Variants in CPNE4 observed in about 807,000 individuals in gnomAD.
The protein encoded by CPNE4 is copine 4, also known as copine-4.
A neutral mutation model predicts 67.9 loss-of-function variants in CPNE4; 25 were observed. The ratio of observed to expected loss-of-function variants is 0.37; its 90% CI spans 0.27 to 0.51. The LOEUF (loss-of-function observed/expected upper bound fraction) is 0.51. Among genes scored for constraint, CPNE4 ranks in the 20% least tolerant of loss-of-function variants. The pLI is 0.93. For missense variants in CPNE4, 464 were observed against 690.8 expected (o/e 0.67, Z 3.68); for synonymous variants, 242 against 244.9 (o/e 0.99, Z 0.11).
At chr3:131,753,205 C>T (rs1421730033) in intron 2 of CPNE4, among the ~76,000 whole-genome samples, 1 of 151,656 alleles carries the variant, frequency 6.6e-6, no homozygotes, top group Non-Finnish European at 1.5e-5. Flanking sequence ...TCCTCAACTG[C>T]CTAATAACCT....
At chr3:131,724,782 C>A (rs1022078190) in intron 2 of CPNE4, among the ~76,000 whole-genome samples, 1 of 152,252 alleles carries the variant, frequency 6.6e-6, no homozygotes, top group Admixed American at 6.5e-5. Flanking sequence ...GCTCTTTTAA[C>A]CCTGCCCATT....
At chr3:131,708,499 G>A (rs11710994) in intron 3 of CPNE4, among the ~76,000 whole-genome samples, 20,782 of 152,122 alleles carry the variant, frequency 0.14, 1,642 homozygotes, top group African/African-American at 0.2. Flanking sequence ...ATGGAGGAAT[G>A]TATAAAGAAA....
intron 1 of CPNE4, among the ~76,000 whole-genome samples, chr3:131,996,697 A>G (rs542304298): frequency 6.6e-6 from 1 of 152,132 alleles, no homozygotes; most frequent in East Asian, 1.9e-4. Flanking sequence ...GCATAGGTCT[A>G]TAGTGTCTGT....
chr3:131,791,971 T>C (rs966996044), intron 2 of CPNE4, among the ~76,000 whole-genome samples: 3 of 152,162 alleles, frequency 2.0e-5, no homozygotes, highest in African/African-American at 7.2e-5. Flanking sequence ...AGGGCTATAA[T>C]TACTCAGTAA....
chr3:131,579,940 A>G (rs1937688603), intron 9 of CPNE4, among the ~76,000 whole-genome samples: 1 of 152,252 alleles, frequency 6.6e-6, no homozygotes, highest in South Asian at 2.1e-4. Flanking sequence ...AGGGTGTGAG[A>G]GGATTAACTC....
chr3:131,744,789 T>C, intron 2 of CPNE4, among the ~76,000 whole-genome samples: 1 of 152,208 alleles, frequency 6.6e-6, no homozygotes, highest in Admixed American at 6.5e-5. Flanking sequence ...TACTGCTGAG[T>C]ACAATTCCAT....
intron 1 of CPNE4, among the ~76,000 whole-genome samples, chr3:131,948,025 GTCTT>G (rs1393064098): frequency 2.7e-5 from 4 of 148,450 alleles, no homozygotes; most frequent in African/African-American, 4.8e-5. Flanking sequence ...AACATGGGGT[GTCTT>G]TCTATTTTTT....
chr3:131,624,515 T>A (rs2079014136), intron 7 of CPNE4, among the ~76,000 whole-genome samples: 1 of 152,206 alleles, frequency 6.6e-6, no homozygotes, highest in Non-Finnish European at 1.5e-5. Context: ...AACCATTTTT[T>A]TTTTACATAG....
chr3:131,906,800 C>T (rs1441968099), intron 1 of CPNE4, among the ~76,000 whole-genome samples: 16 of 151,434 alleles, frequency 1.1e-4, no homozygotes, highest in Admixed American at 5.9e-4. Flanking sequence ...ATGGTATTTC[C>T]AGTTCTAGAT....
chr3:131,933,117 G>A (rs1017735986), intron 1 of CPNE4, among the ~76,000 whole-genome samples: 2 of 152,094 alleles, frequency 1.3e-5, no homozygotes, highest in African/African-American at 4.8e-5. Flanking sequence ...GGTACCTTGT[G>A]GACTATGTTG....
chr3:131,978,486 TTA>T lies in CPNE4; in HGVS notation c.-2+56079_-2+56080del, dbSNP rs1250558920. The stretch of plus-strand genomic sequence containing the variant: ...TATATATTTATATATTTATATATAT[TTA>T]TATATATTTATATATTTATATATAT... On this transcript the variant is annotated intron_variant, in intron 1 of 15. Coordinates refer to ENST00000429747, the MANE Select transcript of CPNE4 (RefSeq NM_130808.3). 3.2e-5 allele frequency among the ~76,000 whole-genome samples: 2 copies of T among 62,904 alleles called. 1 individual carries two copies. The highest frequency in any genetic ancestry group is 1.5e-4 in the African/African-American group (2 of 13,574). The allele number at this position is 62,904 out of a possible 152,430, so 41.3% of individuals were successfully genotyped here. A position where few individuals can be genotyped will look rare whatever the true frequency, so the allele number is the denominator to read the frequency against.
At chr3:131,747,502 G>A (rs1477345732) in intron 2 of CPNE4, among the ~76,000 whole-genome samples, 1 of 151,434 alleles carries the variant, frequency 6.6e-6, no homozygotes, top group Non-Finnish European at 1.5e-5. Flanking sequence ...AACTGTAAGT[G>A]TTGGTTTTCA....
rs142842590 is a variant in CPNE4, at chr3:131,909,012, A to G, written c.-1-3568T>C. Among the ~76,000 whole-genome samples the G allele has an allele frequency of 4.7e-4, 71 of 152,318 alleles. No individual in the cohort carries two copies. In the East Asian group the frequency reaches 0.014, roughly 29 times the overall value. On this transcript the variant is annotated intron_variant, in intron 1 of 15. Coordinates refer to ENST00000429747, the MANE Select transcript of CPNE4 (RefSeq NM_130808.3). ...AGATAAAATCATTCATGCTTTCACT[A>G]CCAACTGAAAAACTCTTAGATGTCT...
At chr3:131,934,646 G>T (rs1409029941) in intron 1 of CPNE4, among the ~76,000 whole-genome samples, 1 of 152,002 alleles carries the variant, frequency 6.6e-6, no homozygotes, top group Non-Finnish European at 1.5e-5. Context: ...TCCCACTTAT[G>T]AATGAGAACA....
chr3:131,537,106 A>ATAAT (rs1935191501), intron 15 of CPNE4, among the ~76,000 whole-genome samples: 1 of 152,192 alleles, frequency 6.6e-6, no homozygotes, highest in Non-Finnish European at 1.5e-5. Flanking sequence ...AAAATTTCAG[A>ATAAT]TAATTAAAAA....
intron 7 of CPNE4, among the ~76,000 whole-genome samples, chr3:131,592,636 C>T (rs1045375220): frequency 2.0e-5 from 3 of 148,988 alleles, no homozygotes; most frequent in East Asian, 1.9e-4. Context: ...TATACACACA[C>T]ATATATATGT....
intron 2 of CPNE4, among the ~76,000 whole-genome samples, chr3:131,846,747 G>A (rs1351366592): frequency 2.6e-5 from 4 of 152,174 alleles, no homozygotes; most frequent in African/African-American, 9.6e-5. Flanking sequence ...AAACAAGAAA[G>A]TATTTCCCTA....
intron 2 of CPNE4, among the ~76,000 whole-genome samples, chr3:131,769,238 A>G (rs1195495358): frequency 6.6e-6 from 1 of 152,164 alleles, no homozygotes; most frequent in Non-Finnish European, 1.5e-5. Flanking sequence ...TCAATTTGCT[A>G]TACAAGTGAA....
intron 13 of CPNE4, 29 bp downstream of exon 13, chr3:131,552,411 C>T (rs1474309623): frequency 1.9e-6 from 3 of 1,600,442 alleles, no homozygotes; most frequent in Admixed American, 3.3e-5. Context: ...AGGACTGTGA[C>T]ACTGGCTTTC....
Sources: allele counts gnomAD v4.1 joint callset (sites outside exome capture counted in the v4.1 genomes callset), GRCh38; gene constraint gnomAD v4.1.1; transcripts MANE v1.5; gene names NCBI Gene and HGNC (gene_info 2026-07-23, HGNC 2026-07-21).